The following SLC43A1 variants were observed in gnomAD, a reference collection of about 807,000 sequenced individuals.
The protein encoded by SLC43A1 is solute carrier family 43 member 1, also known as large neutral amino acids transporter small subunit 3.
Under a neutral mutation model 59.5 loss-of-function variants are expected in SLC43A1, and 31 were observed. The observed-to-expected ratio is 0.52, with a 90% CI of 0.39 to 0.70. SLC43A1 has a LOEUF of 0.70. Ranked by LOEUF, SLC43A1 falls within the 30% of genes least tolerant of loss-of-function variation. The pLI, the probability that SLC43A1 is intolerant of heterozygous loss-of-function variation, is 0.00. For missense variants in SLC43A1, 598 were observed against 717.8 expected, an observed-to-expected ratio of 0.83 and a Z score of 1.91; for synonymous variants, 259 against 290.9, an observed-to-expected ratio of 0.89 and a Z score of 1.12.
intron 12 of SLC43A1, 67 bp downstream of exon 12, chr11:57,489,184 G>A: frequency 1.3e-6 from 2 of 1,580,582 alleles, no homozygotes; most frequent in Admixed American, 3.4e-5. Flanking sequence ...GAAGGCAGGT[G>A]CTGGATGGAC....
intron 13 of SLC43A1, among the ~76,000 whole-genome samples, 179 bp from the exon 14 acceptor site, chr11:57,487,397 G>A (rs184897180): frequency 1.3e-5 from 2 of 152,284 alleles, no homozygotes; most frequent in Admixed American, 1.3e-4. Flanking sequence ...CAACTTCAGG[G>A]CCACTGAGCT....
At position 57,514,208 on chromosome 11, in the gene SLC43A1, T is replaced by C; in HGVS notation, c.-13-84A>G. Reference sequence around the variant, plus strand: ...GCATCATGGTGGCACCCGAGACCTCTCGGGCCAGCCCGCGAGGAGCCCCTC... The same window carrying C: ...GCATCATGGTGGCACCCGAGACCTCCCGGGCCAGCCCGCGAGGAGCCCCTC... On this transcript the variant is annotated intron_variant, in intron 1 of 14. Transcript: ENST00000278426. The surrounding 1 kb of genome is among the most constrained non-coding windows in gnomAD (Gnocchi z 5.5). 7.0e-7 allele frequency: 1 copy of C among 1,427,604 alleles called. No individual in the cohort carries two copies. Among genetic ancestry groups the C allele is most frequent in the Non-Finnish European group, 9.2e-7 (1 of 1,087,964 alleles). The allele number at this position is 1,427,604 out of a possible 1,614,324, so 88.4% of individuals were successfully genotyped here. A position where few individuals can be genotyped will look rare whatever the true frequency, so the allele number is the denominator to read the frequency against.
intron 2 of SLC43A1, among the ~76,000 whole-genome samples, chr11:57,503,470 C>CAT (rs1944318669): frequency 1.3e-5 from 2 of 151,940 alleles, no homozygotes; most frequent in Admixed American, 1.3e-4. Flanking sequence ...TCTACAGGTG[C>CAT]ATGCCACCAC....
In SLC43A1 at chr11:57,492,536, GTATATATATATATATA is replaced by G. The variant is rs71061509; in HGVS notation, c.872-690_872-675del. Among the ~76,000 whole-genome samples, 427 of 79,848 alleles carry G rather than the reference GTATATATATATATATA, an allele frequency of 5.3e-3. 3 individuals are homozygous for G. The highest frequency in any genetic ancestry group is 0.015 in the African/African-American group (273 of 17,824). The allele number at this position is 79,848 out of a possible 152,430, so 52.4% of individuals were successfully genotyped here. A position where few individuals can be genotyped will look rare whatever the true frequency, so the allele number is the denominator to read the frequency against. Reference sequence around the variant, plus strand: ...AATAATATAATATATATAATTTTGTGTATATATATATATATATATATATATATATATATATATAAAA... The same window carrying G: ...AATAATATAATATATATAATTTTGTGTATATATATATATATATATATAAAA... On this transcript the variant is annotated intron_variant, in intron 8 of 14. Transcript: ENST00000278426.
At chr11:57,497,514 T>C (rs1944121659) in intron 6 of SLC43A1, among the ~76,000 whole-genome samples, 2 of 152,320 alleles carry the variant, frequency 1.3e-5, no homozygotes, top group South Asian at 2.1e-4. Flanking sequence ...CAGTTCCCCA[T>C]CTGAGATCTT....
chr11:57,504,799 G>A lies in SLC43A1; in HGVS notation c.155-3470C>T, dbSNP rs370124864. On this transcript the variant is annotated intron_variant, in intron 2 of 14. Transcript: ENST00000278426. ...CCACTAACGGAGAATCCATTCCCGTGAAATGCTAATGACTTAGTGTCAATT... is the reference window on the plus strand; with the variant it reads ...CCACTAACGGAGAATCCATTCCCGTAAAATGCTAATGACTTAGTGTCAATT... Among the ~76,000 whole-genome samples the A allele has an allele frequency of 3.7e-4, 57 of 152,332 alleles. 1 individual carries two copies. In the East Asian group the frequency reaches 5.6e-3, roughly 15 times the overall value.
At chr11:57,498,395 C>A (rs1944149307) in intron 5 of SLC43A1, among the ~76,000 whole-genome samples, 1 of 151,888 alleles carries the variant, frequency 6.6e-6, no homozygotes, top group Non-Finnish European at 1.5e-5. Context: ...GAGCCGAGAT[C>A]GCACCACTGC....
intron 2 of SLC43A1, among the ~76,000 whole-genome samples, chr11:57,511,717 A>G (rs899542898): frequency 6.6e-6 from 1 of 152,238 alleles, no homozygotes; most frequent in African/African-American, 2.4e-5. Context: ...ACTCAGCAAT[A>G]AAAAGAAGTC....
rs145385198 is a variant in SLC43A1, at chr11:57,494,340, T to A, written c.693-169A>T. 197 of 618,482 alleles carry A rather than the reference T, an allele frequency of 3.2e-4. No homozygotes were observed. In the African/African-American group the frequency reaches 3.4e-3, roughly 11 times the overall value. The allele number at this position is 618,482 out of a possible 1,614,324, so 38.3% of individuals were successfully genotyped here. On this transcript the variant is annotated intron_variant, in intron 7 of 14. Transcript: ENST00000278426. Reference sequence around the variant, plus strand: ...CTGTTTCTGTTGCTCAGAGCTTGGCTCAGGGACCAGCTTAGCACAGATGCC... The same window carrying A: ...CTGTTTCTGTTGCTCAGAGCTTGGCACAGGGACCAGCTTAGCACAGATGCC...
rs933040079 is a variant in SLC43A1, at chr11:57,514,762, C to T, written c.-13-638G>A. The T allele has an allele frequency of 1.0e-6, 1 of 963,190 alleles. No individual in the cohort carries two copies. The allele number at this position is 963,190 out of a possible 1,614,324, so 59.7% of individuals were successfully genotyped here. A position where few individuals can be genotyped will look rare whatever the true frequency, so the allele number is the denominator to read the frequency against. On this transcript the variant is annotated intron_variant, in intron 1 of 14. Transcript: ENST00000278426. The surrounding 1 kb of genome is among the most constrained non-coding windows in gnomAD (Gnocchi z 5.5). ...GGGCTCTCCTCGGTTCCCTCCTCCC[C>T]CGCGCGCCCCTCACTCACTCCGCAG... is the stretch of plus-strand genomic sequence containing the variant.
intron 11 of SLC43A1, among the ~76,000 whole-genome samples, chr11:57,489,916 C>T (rs1943851093): frequency 6.6e-6 from 1 of 152,162 alleles, no homozygotes; most frequent in Non-Finnish European, 1.5e-5. Flanking sequence ...TGAGGCCAGC[C>T]CAGGAGAGAG....
In SLC43A1 at chr11:57,484,936, C is replaced by A. The variant is rs1943687876; in HGVS notation, c.*160G>T. 2.2e-6 allele frequency: 2 copies of A among 897,566 alleles called. No homozygotes were observed. 55.6% of individuals were successfully genotyped at this position (897,566 alleles called of 1,614,324 possible). On this transcript the variant is annotated 3_prime_UTR_variant, in exon 15 of 15. Transcript: ENST00000278426. ...GGCGTTTTTGAAGGTTTTTTTTCCT[C>A]CTTTTTGCAGTCTTTACAAAAATAG...
intron 2 of SLC43A1, among the ~76,000 whole-genome samples, chr11:57,510,988 TA>T (rs912242085): frequency 2.7e-5 from 4 of 149,840 alleles, no homozygotes; most frequent in Admixed American, 6.6e-5. Flanking sequence ...GTCTCAAAAA[TA>T]AAAAAAAAAT....
At chr11:57,510,331 G>A (rs145053666) in intron 2 of SLC43A1, among the ~76,000 whole-genome samples, 9 of 151,768 alleles carry the variant, frequency 5.9e-5, no homozygotes, top group East Asian at 3.9e-4. Flanking sequence ...GGTGGTGGAC[G>A]CCTGTAATCC....
chr11:57,508,041 T>G (rs1034977199), intron 2 of SLC43A1, among the ~76,000 whole-genome samples: 6 of 151,962 alleles, frequency 3.9e-5, no homozygotes, highest in African/African-American at 1.4e-4. Flanking sequence ...CCAAGGCGGG[T>G]GGATCACCTG....
At chr11:57,507,378 C>A (rs1590777742) in intron 2 of SLC43A1, among the ~76,000 whole-genome samples, 1 of 152,036 alleles carries the variant, frequency 6.6e-6, no homozygotes. Context: ...GTTGAGGCAG[C>A]AGAATCACTT....
At chr11:57,506,130 G>C (rs1470142228) in intron 2 of SLC43A1, among the ~76,000 whole-genome samples, 2 of 152,200 alleles carry the variant, frequency 1.3e-5, no homozygotes, top group African/African-American at 4.8e-5. Context: ...AGGATCGCTT[G>C]AGTCCAAGAG....
At chr11:57,500,922 G>A in intron 4 of SLC43A1, 66 bp downstream of exon 4, 2 of 1,603,454 alleles carry the variant, frequency 1.2e-6, no homozygotes, top group Non-Finnish European at 8.5e-7. Flanking sequence ...CGGGAGCTGG[G>A]GTAAACATCC....
At chr11:57,492,161 G>A (rs578082514) in intron 8 of SLC43A1, among the ~76,000 whole-genome samples, 12 of 150,684 alleles carry the variant, frequency 8.0e-5, no homozygotes, top group African/African-American at 2.7e-4. Context: ...TTGAGCCCAG[G>A]AGTTCAAGAC....
Sources: allele counts gnomAD v4.1 joint callset (sites outside exome capture counted in the v4.1 genomes callset), GRCh38; gene constraint gnomAD v4.1.1; non-coding constraint Gnocchi (gnomAD v3.1); transcripts MANE v1.5; gene names NCBI Gene and HGNC (gene_info 2026-07-23, HGNC 2026-07-21).